SHQ1: variants seen among roughly 807,000 people sequenced by gnomAD.
SHQ1 encodes SHQ1, H/ACA ribonucleoprotein assembly factor.
SHQ1 carries 49 observed loss-of-function variants against 53.8 expected under a neutral mutation model. The observed-to-expected ratio is 0.91, with a 90% CI of 0.72 to 1.16. The LOEUF is 1.16. Among genes scored for constraint, SHQ1 ranks in the 50% most tolerant of loss-of-function variants. The pLI, the probability that SHQ1 is intolerant of heterozygous loss-of-function variation, is 0.00. For missense variants in SHQ1, 738 were observed against 683.1 expected (o/e 1.08, Z -0.90); for synonymous variants, 243 against 251.0 (o/e 0.97, Z 0.30).
chr3:72,746,180 C>A (rs932952968), downstream of SHQ1, among the ~76,000 whole-genome samples: 2 of 152,020 alleles, frequency 1.3e-5, no homozygotes, highest in African/African-American at 2.4e-5. Context: ...CGTTTGGAGT[C>A]CCCCCCTCGT....
the SHQ1 span, among the ~76,000 whole-genome samples, chr3:72,742,770 A>G: frequency 2.0e-5 from 3 of 151,990 alleles, no homozygotes; most frequent in Admixed American, 6.6e-5. Context: ...GACTACAGGC[A>G]TGCACCACCA....
the SHQ1 span, among the ~76,000 whole-genome samples, chr3:72,738,691 C>T: frequency 6.6e-6 from 1 of 152,172 alleles, no homozygotes; most frequent in African/African-American, 2.4e-5. Flanking sequence ...GCTTCCAGAC[C>T]GCGACCTTCT....
At position 72,750,440 on chromosome 3, in the gene SHQ1, A is replaced by T; in HGVS notation, c.1578T>A (p.Leu526=). ...QESDASQGKP[L]ASSWPLGVSG... ...ACACTCCAAGAGGCCAGGAAGAGGC[A>T]AGTGGCTTTCCCTGACTGGCATCAG... is the stretch of plus-strand genomic sequence containing the variant. Residue 526 remains leucine, a synonymous_variant, in exon 11 of 11, where the codon CTT becomes CTA. Coordinates refer to ENST00000325599, the MANE Select transcript of SHQ1 (RefSeq NM_018130.3). 1 of 1,614,190 alleles carries T rather than the reference A, an allele frequency of 6.2e-7. No homozygotes were observed. The highest frequency in any genetic ancestry group is 8.5e-7 in the Non-Finnish European group (1 of 1,180,036).
At chr3:72,820,810 G>A (rs1414414483) in intron 6 of SHQ1, among the ~76,000 whole-genome samples, 1 of 152,140 alleles carries the variant, frequency 6.6e-6, no homozygotes, top group Admixed American at 6.5e-5. Context: ...CATTTGAGGA[G>A]GAAACTGGTG....
chr3:72,810,953 C>A (rs1182531286), intron 9 of SHQ1, among the ~76,000 whole-genome samples: 1 of 152,172 alleles, frequency 6.6e-6, no homozygotes, highest in Non-Finnish European at 1.5e-5. Context: ...TATCATAACA[C>A]AGCTGATAAA....
intron 10 of SHQ1, among the ~76,000 whole-genome samples, chr3:72,757,612 G>A (rs1705524858): frequency 6.6e-6 from 1 of 152,004 alleles, no homozygotes; most frequent in Non-Finnish European, 1.5e-5. Flanking sequence ...AAGAAAATGT[G>A]GTACATATAC....
At chr3:72,834,255 C>T (rs1316428319) in intron 4 of SHQ1, among the ~76,000 whole-genome samples, 1 of 152,106 alleles carries the variant, frequency 6.6e-6, no homozygotes, top group Admixed American at 6.5e-5. Context: ...CAGGCCGGGC[C>T]CAGTGGCTCA....
Position 72,817,306 on chromosome 3 carries a change from C to A in SHQ1, c.806G>T (p.Arg269Leu). Residue 269 changes from arginine (R) to leucine (L), a missense_variant, in exon 7 of 11, where the codon CGT (arginine) becomes CTT (leucine). Transcript: ENST00000325599. Reference sequence around the variant, plus strand: ...ATCAATCAAACTGTAGCACACTTGACGACAGGCTCTCTTGTCCAGCAGATA... The same window carrying A: ...ATCAATCAAACTGTAGCACACTTGAAGACAGGCTCTCTTGTCCAGCAGATA... Reference protein sequence around the residue: ...KSYLLDKRACRQVCYSLIDIL... With the variant: ...KSYLLDKRACLQVCYSLIDIL... 2 of 1,613,890 alleles carry A rather than the reference C, an allele frequency of 1.2e-6. No individual in the cohort carries two copies. The highest frequency in any genetic ancestry group is 1.1e-5 in the South Asian group (1 of 91,054).
At chr3:72,832,337 A>G (rs774213978) in intron 5 of SHQ1, 32 bp downstream of exon 5, 1 of 1,477,908 alleles carries the variant, frequency 6.8e-7, no homozygotes, top group Non-Finnish European at 9.4e-7. Flanking sequence ...TGTCAAGTAA[A>G]TTATTTAATC....
intron 9 of SHQ1, among the ~76,000 whole-genome samples, chr3:72,797,576 A>G (rs1706664847): frequency 6.6e-6 from 1 of 152,252 alleles, no homozygotes; most frequent in Non-Finnish European, 1.5e-5. Context: ...AACAACTGAG[A>G]AGCAATATTT....
At chr3:72,842,846 C>T (rs1708214859) in intron 2 of SHQ1, among the ~76,000 whole-genome samples, 1 of 151,672 alleles carries the variant, frequency 6.6e-6, no homozygotes, top group South Asian at 2.1e-4. Context: ...GAGGCCGAGG[C>T]AGGCGGATCA....
At chr3:72,730,772 A>T in the SHQ1 span, among the ~76,000 whole-genome samples, 2 of 152,132 alleles carry the variant, frequency 1.3e-5, no homozygotes, top group African/African-American at 4.8e-5. Context: ...TGTCAATGTC[A>T]AATGTGTCAA....
chr3:72,832,381 G>T lies in SHQ1; in HGVS notation c.587C>A (p.Pro196His), dbSNP rs779310599. ...RLAAELAKFD[P>H]DHYLADFFED... ...TCTCATTACTCACAGATAATGATCA[G>T]GATCAAACTTGGCCAGCTCAGCGGC... The change falls in exon 5 of 11, where the codon CCT becomes CAT. Residue 196 changes from proline (P) to histidine (H), a missense_variant. Coordinates refer to ENST00000325599, the MANE Select transcript of SHQ1 (RefSeq NM_018130.3). The T allele has an allele frequency of 9.9e-6, 16 of 1,609,598 alleles. No homozygotes were observed. Among genetic ancestry groups the T allele is most frequent in the Non-Finnish European group, 1.4e-5 (16 of 1,177,878 alleles).
rs114673361 is a variant in SHQ1 at position 72,820,932 on chromosome 3, C to T, written c.727+3492G>A. ...AAATGAAAGATGTCTGCAAGGTAGT[C>T]ACTTTTCTCTTCCAAATATTTTCTA... On this transcript the variant is annotated intron_variant, in intron 6 of 10. Coordinates refer to ENST00000325599, the MANE Select transcript of SHQ1 (RefSeq NM_018130.3). Among the ~76,000 whole-genome samples the T allele has an allele frequency of 8.2e-3, 1,253 of 152,258 alleles. 18 individuals carry two copies. Among genetic ancestry groups the T allele is most frequent in the African/African-American group, 0.027 (1,116 of 41,564 alleles).
intron 9 of SHQ1, among the ~76,000 whole-genome samples, chr3:72,804,739 C>G (rs1308860829): frequency 6.6e-6 from 1 of 152,134 alleles, no homozygotes; most frequent in Non-Finnish European, 1.5e-5. Context: ...ACCTGTCAAC[C>G]AGCACTTTGG....
chr3:72,769,677 G>C (rs940670503), intron 10 of SHQ1, among the ~76,000 whole-genome samples: 2 of 152,146 alleles, frequency 1.3e-5, no homozygotes, highest in African/African-American at 4.8e-5. Context: ...TATGTCTCTT[G>C]CAACGGGGCC....
At chr3:72,803,512 G>T (rs572758545) in intron 9 of SHQ1, among the ~76,000 whole-genome samples, 1 of 152,302 alleles carries the variant, frequency 6.6e-6, no homozygotes, top group Non-Finnish European at 1.5e-5. Flanking sequence ...TAGCTGAAAT[G>T]ATCTACTTCA....
At chr3:72,804,957 G>A (rs1365502390) in intron 9 of SHQ1, among the ~76,000 whole-genome samples, 1 of 152,212 alleles carries the variant, frequency 6.6e-6, no homozygotes. Context: ...AGGTAATTCT[G>A]TCATGTGAAC....
At chr3:72,820,835 C>T (rs902954884) in intron 6 of SHQ1, among the ~76,000 whole-genome samples, 2 of 152,172 alleles carry the variant, frequency 1.3e-5, no homozygotes, top group Non-Finnish European at 2.9e-5. Flanking sequence ...AGCATTGAAG[C>T]AAATGGCCAA....
Sources: allele counts gnomAD v4.1 joint callset (sites outside exome capture counted in the v4.1 genomes callset), GRCh38; gene constraint gnomAD v4.1.1; transcripts MANE v1.5; gene names NCBI Gene and HGNC (gene_info 2026-07-23, HGNC 2026-07-21).